COMMD7: variants seen among roughly 807,000 people sequenced by gnomAD.
COMMD7 encodes the protein COMM domain-containing protein 7.
COMMD7 carries 28 observed loss-of-function variants against 34.8 expected under a neutral mutation model. The observed-to-expected ratio is 0.80, with a 90% CI of 0.60 to 1.10. COMMD7 has a LOEUF of 1.10. COMMD7 is among the 50% of genes least tolerant of loss of function. The pLI is 0.00. For synonymous variants in COMMD7, 80 were observed against 86.4 expected (o/e 0.93, Z 0.41); for missense variants, 211 against 241.6 (o/e 0.87, Z 0.84).
At chr20:32,733,401 C>A (rs1343145269) in intron 1 of COMMD7, among the ~76,000 whole-genome samples, 1 of 149,416 alleles carries the variant, frequency 6.7e-6, no homozygotes, top group East Asian at 2.0e-4. Context: ...GCCAACTTAG[C>A]CAAACAAACC....
At chr20:32,703,828 G>A (rs907949319) in intron 8 of COMMD7, 195 bp downstream of exon 8, 1 of 1,540,944 alleles carries the variant, frequency 6.5e-7, no homozygotes, top group Non-Finnish European at 8.7e-7. Flanking sequence ...CTTCAACTGT[G>A]GGGGCTCCAA....
At chr20:32,726,202 C>G (rs1479240912) in intron 3 of COMMD7, among the ~76,000 whole-genome samples, 1 of 151,914 alleles carries the variant, frequency 6.6e-6, no homozygotes, top group Non-Finnish European at 1.5e-5. Flanking sequence ...ACCAGCCTGG[C>G]CAAAACAGTG....
chr20:32,714,514 C>T (rs1371630667), intron 3 of COMMD7, among the ~76,000 whole-genome samples: 1 of 151,510 alleles, frequency 6.6e-6, no homozygotes, highest in African/African-American at 2.4e-5. Context: ...ATGGTGAAAC[C>T]CCGTCTCTAC....
At chr20:32,715,977 C>G (rs1984753650) in intron 3 of COMMD7, among the ~76,000 whole-genome samples, 2 of 152,012 alleles carry the variant, frequency 1.3e-5, no homozygotes, top group African/African-American at 4.8e-5. Context: ...AAGTGAGCAC[C>G]TTATTACATT....
chr20:32,704,000 C>T, intron 8 of COMMD7, 23 bp downstream of exon 8: 1 of 1,613,948 alleles, frequency 6.2e-7, no homozygotes. Context: ...GGTGAAGAGG[C>T]TCAAGTGGGA....
chr20:32,704,526 G>T, intron 6 of COMMD7, 37 bp from the exon 7 acceptor site: 2 of 1,581,726 alleles, frequency 1.3e-6, no homozygotes, highest in South Asian at 1.2e-5. Context: ...GAGAGAGAGA[G>T]AAATAACAAG....
Position 32,703,300 on chromosome 20 carries a change from T to C in COMMD7, c.*82A>G. 7.8e-7 allele frequency: 1 copy of C among 1,281,962 alleles called. No homozygotes were observed. 79.4% of individuals were successfully genotyped at this position (1,281,962 alleles called of 1,614,324 possible). A position where few individuals can be genotyped will look rare whatever the true frequency, so the allele number is the denominator to read the frequency against. ...CCCCATGGAGCATCCCACAGGCCTG[T>C]GAGTGAAGTGCCTCTCAGAGCAGTC... On this transcript the variant is annotated 3_prime_UTR_variant, in exon 9 of 9. Coordinates refer to ENST00000278980, the MANE Select transcript of COMMD7 (RefSeq NM_053041.3).
intron 3 of COMMD7, among the ~76,000 whole-genome samples, chr20:32,718,887 A>C (rs1016537431): frequency 3.3e-5 from 5 of 152,036 alleles, no homozygotes; most frequent in Admixed American, 2.0e-4. Context: ...AGATGTGTCA[A>C]TGTGTGCTTG....
chr20:32,727,392 CT>C (rs1159803822), intron 3 of COMMD7, among the ~76,000 whole-genome samples: 1 of 151,784 alleles, frequency 6.6e-6, no homozygotes, highest in African/African-American at 2.4e-5. Context: ...AAAAAATTAG[CT>C]GGGCGTGGTG....
intron 1 of COMMD7, among the ~76,000 whole-genome samples, chr20:32,742,855 G>A (rs1245028310): frequency 6.6e-6 from 1 of 152,026 alleles, no homozygotes; most frequent in Non-Finnish European, 1.5e-5. Context: ...CTCCCCTCAG[G>A]CTTCCTCGGC....
At chr20:32,717,647 A>G (rs1984878243) in intron 3 of COMMD7, among the ~76,000 whole-genome samples, 1 of 151,520 alleles carries the variant, frequency 6.6e-6, no homozygotes, top group Admixed American at 6.6e-5. Flanking sequence ...TTTTTTGTAG[A>G]GGTAGTGTCT....
chr20:32,713,925 C>T (rs1457766228), intron 3 of COMMD7, among the ~76,000 whole-genome samples: 2 of 152,044 alleles, frequency 1.3e-5, no homozygotes, highest in Non-Finnish European at 2.9e-5. Context: ...ACCAGCCTGG[C>T]CAACATGGTG....
intron 1 of COMMD7, among the ~76,000 whole-genome samples, chr20:32,742,306 TGTC>T (rs1375644697): frequency 1.3e-5 from 2 of 152,216 alleles, no homozygotes; most frequent in Non-Finnish European, 2.9e-5. Context: ...AGAACCTTCC[TGTC>T]GTTACAAGTT....
At chr20:32,722,291 G>T (rs1204795109) in intron 3 of COMMD7, among the ~76,000 whole-genome samples, 2 of 150,430 alleles carry the variant, frequency 1.3e-5, no homozygotes, top group South Asian at 2.1e-4. Flanking sequence ...GTGGGGTGAG[G>T]AAGACAGGGA....
intron 1 of COMMD7, among the ~76,000 whole-genome samples, chr20:32,739,550 C>A (rs1380434409): frequency 1.5e-5 from 2 of 136,522 alleles, no homozygotes; most frequent in African/African-American, 5.6e-5. Flanking sequence ...AAGGCTGAGG[C>A]AGGAGAATGG....
intron 3 of COMMD7, among the ~76,000 whole-genome samples, chr20:32,725,233 A>G (rs544770633): frequency 1.3e-5 from 2 of 152,182 alleles, no homozygotes; most frequent in African/African-American, 4.8e-5. Flanking sequence ...TGATGAAAAA[A>G]TGTGAGTTCC....
chr20:32,735,243 AT>A (rs61276496), intron 1 of COMMD7, among the ~76,000 whole-genome samples: 101,361 of 148,766 alleles, frequency 0.68, 35,282 homozygotes, highest in Middle Eastern at 0.82. Flanking sequence ...AAAAAAAAAA[AT>A]TTTTTTTTAA....
intron 6 of COMMD7, 60 bp from the exon 7 acceptor site, chr20:32,704,549 G>A (rs1600960445): frequency 3.8e-6 from 6 of 1,560,488 alleles, no homozygotes; most frequent in South Asian, 2.4e-5. Context: ...ACTGATTGAG[G>A]ACTGACCCTG....
At chr20:32,709,986 C>T (rs34865763) in intron 3 of COMMD7, among the ~76,000 whole-genome samples, 24,034 of 151,394 alleles carry the variant, frequency 0.16, 2,189 homozygotes, top group East Asian at 0.41. Flanking sequence ...TTAATGGATC[C>T]TCCCACCTCA....
Sources: gnomAD v4.1 joint callset for allele counts (sites outside exome capture counted in the v4.1 genomes callset) on GRCh38, gnomAD v4.1.1 for gene constraint, MANE v1.5 for transcripts, NCBI Gene and HGNC (gene_info 2026-07-23, HGNC 2026-07-21) for gene names.